PEBP4: variants seen among roughly 807,000 people sequenced by gnomAD.
The protein encoded by PEBP4 is phosphatidylethanolamine binding protein 4, also known as phosphatidylethanolamine-binding protein 4.
Under a neutral mutation model 23.9 loss-of-function variants are expected in PEBP4, and 22 were observed. That is an observed-to-expected ratio of 0.92 (90% CI 0.66 to 1.31). PEBP4 has a LOEUF of 1.31. Among genes scored for constraint, PEBP4 ranks in the 40% most tolerant of loss-of-function variants. The pLI is 0.00. For synonymous variants in PEBP4, 112 were observed against 99.3 expected (o/e 1.13, Z -0.76); for missense variants, 324 against 281.7 (o/e 1.15, Z -1.07).
Position 22,724,867 on chromosome 8 carries a change from G to T in PEBP4, c.493C>A (p.Leu165Ile). ...YLQEGKVISL[L>I]PKENKTRGSW... ...CCTCGAGTTTTGTTTTCCTTGGGAAGGAGAGAGATGACTTTTCCTTCCTGA... is the reference window on the plus strand; with the variant it reads ...CCTCGAGTTTTGTTTTCCTTGGGAATGAGAGAGATGACTTTTCCTTCCTGA... The change falls in exon 6 of 7, where the codon CTT (leucine) becomes ATT (isoleucine). Residue 165 changes from leucine to isoleucine, a missense_variant. Coordinates refer to ENST00000256404, the MANE Select transcript of PEBP4 (RefSeq NM_144962.3). 1 of 1,613,954 alleles carries T rather than the reference G, an allele frequency of 6.2e-7. No individual in the cohort carries two copies. Among genetic ancestry groups the T allele is most frequent in the Non-Finnish European group, 8.5e-7 (1 of 1,179,826 alleles).
upstream of PEBP4, among the ~76,000 whole-genome samples, chr8:22,928,504 C>T (rs1253294907): frequency 1.3e-5 from 2 of 152,176 alleles, no homozygotes; most frequent in East Asian, 1.9e-4. Flanking sequence ...TGGCCTGCCC[C>T]AGCAGTGCAC....
rs374382901 is a variant in PEBP4 at position 22,876,107 on chromosome 8, C to T, written c.258+44077G>A. Among the ~76,000 whole-genome samples the T allele has an allele frequency of 3.9e-4, 60 of 152,186 alleles. 1 individual carries two copies. The highest frequency in any genetic ancestry group is 1.3e-3 in the African/African-American group (55 of 41,522). On this transcript the variant is annotated intron_variant, in intron 3 of 6. Transcript: ENST00000256404. ...GGTACTTTTAGTAGAAATGGGGTTTCGCCATGTTGCCCAGGCTGGTCTAGA... is the reference window on the plus strand; with the variant it reads ...GGTACTTTTAGTAGAAATGGGGTTTTGCCATGTTGCCCAGGCTGGTCTAGA...
intron 3 of PEBP4, among the ~76,000 whole-genome samples, chr8:22,848,287 C>G (rs905710438): frequency 7.9e-5 from 12 of 152,074 alleles, no homozygotes; most frequent in African/African-American, 2.9e-4. Context: ...AACTCATTAT[C>G]CAAGGGAGTG....
chr8:22,922,163 G>A (rs1395560958), intron 2 of PEBP4, among the ~76,000 whole-genome samples: 4 of 152,160 alleles, frequency 2.6e-5, no homozygotes, highest in South Asian at 4.1e-4. Flanking sequence ...CTCTCTTCAC[G>A]CCCATAGGGC....
intron 6 of PEBP4, among the ~76,000 whole-genome samples, chr8:22,724,223 G>C (rs1021812395): frequency 6.6e-6 from 1 of 152,192 alleles, no homozygotes; most frequent in African/African-American, 2.4e-5. Flanking sequence ...TGGCCAAGTG[G>C]CCACCGCTCC....
At chr8:22,870,562 G>A (rs1018580443) in intron 3 of PEBP4, among the ~76,000 whole-genome samples, 5 of 152,122 alleles carry the variant, frequency 3.3e-5, no homozygotes, top group African/African-American at 7.2e-5. Flanking sequence ...CACCAAGAGC[G>A]TAACCTAATG....
chr8:22,744,725 G>A (rs969497370), intron 4 of PEBP4: 2 of 152,296 alleles, frequency 1.3e-5, no homozygotes, highest in Non-Finnish European at 2.9e-5. Flanking sequence ...GGGGAGAGTG[G>A]GGAGCAAACA....
intron 4 of PEBP4, among the ~76,000 whole-genome samples, chr8:22,806,710 T>C (rs1438717923): frequency 6.6e-6 from 1 of 152,054 alleles, no homozygotes; most frequent in Non-Finnish European, 1.5e-5. Context: ...TTGGTACTAA[T>C]TCATTTGTCA....
At chr8:22,822,812 A>G (rs1806889829) in intron 3 of PEBP4, among the ~76,000 whole-genome samples, 2 of 152,202 alleles carry the variant, frequency 1.3e-5, no homozygotes, top group Admixed American at 6.5e-5. Flanking sequence ...AAACTTGGAT[A>G]GAAAAAGAAA....
At chr8:22,781,641 C>G (rs1013914717) in intron 4 of PEBP4, among the ~76,000 whole-genome samples, 5 of 152,180 alleles carry the variant, frequency 3.3e-5, no homozygotes, top group Non-Finnish European at 5.9e-5. Flanking sequence ...CACAGCCACT[C>G]CTGCCTCAGT....
chr8:22,820,592 C>G (rs1343505368), intron 3 of PEBP4, among the ~76,000 whole-genome samples: 1 of 152,148 alleles, frequency 6.6e-6, no homozygotes, highest in East Asian at 1.9e-4. Flanking sequence ...GATTAAATCT[C>G]TCTACCCCAG....
At chr8:22,938,357 C>T (rs1809567852) in intron 1 of PEBP4, among the ~76,000 whole-genome samples, 1 of 152,166 alleles carries the variant, frequency 6.6e-6, no homozygotes, top group Non-Finnish European at 1.5e-5. Context: ...GTCTCCTGCC[C>T]CATGACCCAC....
intron 4 of PEBP4, among the ~76,000 whole-genome samples, chr8:22,763,622 G>A (rs767908852): frequency 7.9e-5 from 12 of 152,136 alleles, no homozygotes; most frequent in Admixed American, 2.6e-4. Context: ...AGGGTGTTGT[G>A]AGGATGAGGC....
At chr8:22,787,997 G>T (rs1266432391) in intron 4 of PEBP4, among the ~76,000 whole-genome samples, 2 of 152,138 alleles carry the variant, frequency 1.3e-5, no homozygotes, top group Non-Finnish European at 2.9e-5. Context: ...GCGTGCAACG[G>T]GCCCACAGGC....
rs529102469 is a variant in PEBP4, at chr8:22,764,822, A to G, written c.358-37602T>C. ...GTCACTCCTGTCCCCAAATGGCAAC[A>G]TTCAGTGGATGATTTGACAGAGGCC... On this transcript the variant is annotated intron_variant, in intron 4 of 6. Transcript: ENST00000256404. Among the ~76,000 whole-genome samples, 32 of 152,016 alleles carry G rather than the reference A, an allele frequency of 2.1e-4. 1 individual carries two copies. The South Asian group carries it at 6.7e-3, about 32-fold the overall frequency.
At chr8:22,837,890 C>CTTTTTTTTTTTTTTTTT in intron 3 of PEBP4, among the ~76,000 whole-genome samples, 1 of 64,552 alleles carries the variant, frequency 1.5e-5, no homozygotes, top group Non-Finnish European at 2.7e-5. Flanking sequence ...TTATTATATT[C>CTTTTTTTTTTTTTTTTT]TTTTTTTTTT....
intron 4 of PEBP4, among the ~76,000 whole-genome samples, chr8:22,732,915 G>A (rs533159148): frequency 6.6e-6 from 1 of 152,290 alleles, no homozygotes; most frequent in South Asian, 2.1e-4. Context: ...GAGATACTCA[G>A]GGAAAGTTGT....
rs142530313 is a variant in PEBP4, at chr8:22,734,532, C to T, written c.358-7312G>A. Among the ~76,000 whole-genome samples the T allele has an allele frequency of 5.6e-3, 847 of 152,242 alleles. 22 individuals carry two copies. The highest frequency in any genetic ancestry group is 0.045 in the Admixed American group (690 of 15,292). ...CTGGCACCTTCATGGGCAGTGGGGA[C>T]AGCTTGGTGAATATCATCTTAGGAG... is the stretch of plus-strand genomic sequence containing the variant. On this transcript the variant is annotated intron_variant, in intron 4 of 6. Coordinates refer to ENST00000256404, the MANE Select transcript of PEBP4 (RefSeq NM_144962.3).
rs951604842 is a variant in PEBP4, at chr8:22,775,443, G to A, written c.357+42194C>T. On this transcript the variant is annotated intron_variant, in intron 4 of 6. Transcript: ENST00000256404. The surrounding 1 kb of genome is among the most constrained non-coding windows in gnomAD (Gnocchi z 4.8). ...CCTCCTTTACAACCATGCCGGGAGG[G>A]GTGCGCAGGGGCCCGTGGGTGGTGT... 1.1e-4 allele frequency among the ~76,000 whole-genome samples: 17 copies of A among 152,298 alleles called. No individual in the cohort carries two copies. The highest frequency in any genetic ancestry group is 8.3e-4 in the South Asian group (4 of 4,830).
Sources: allele counts gnomAD v4.1 joint callset (sites outside exome capture counted in the v4.1 genomes callset), GRCh38; gene constraint gnomAD v4.1.1; non-coding constraint Gnocchi (gnomAD v3.1); transcripts MANE v1.5; gene names NCBI Gene and HGNC (gene_info 2026-07-23, HGNC 2026-07-21).